GLIS1: variants seen among roughly 807,000 people sequenced by gnomAD.
GLIS1 encodes the protein zinc finger protein GLIS1.
In GLIS1, 24 loss-of-function variants were observed where a neutral mutation model predicts 63.8. The observed-to-expected ratio is 0.38, with a 90% CI of 0.27 to 0.53. The LOEUF (loss-of-function observed/expected upper bound fraction) is 0.53, where lower values mean the gene tolerates loss of function less well. GLIS1 is among the 20% of genes least tolerant of loss of function. The pLI, the probability that GLIS1 is intolerant of heterozygous loss-of-function variation, is 0.85. For synonymous variants in GLIS1, 450 were observed against 482.5 expected, an observed-to-expected ratio of 0.93 and a Z score of 0.88; for missense variants, 1,036 against 1,074.1, an observed-to-expected ratio of 0.96 and a Z score of 0.50.
chr1:53,620,733 C>G (rs1208073497), intron 2 of GLIS1, among the ~76,000 whole-genome samples: 1 of 152,178 alleles, frequency 6.6e-6, no homozygotes, highest in Non-Finnish European at 1.5e-5. Context: ...GAGAAGAACA[C>G]AAAAGAGCAG....
At chr1:53,670,953 G>C (rs1484113773) in intron 2 of GLIS1, among the ~76,000 whole-genome samples, 1 of 152,232 alleles carries the variant, frequency 6.6e-6, no homozygotes, top group African/African-American at 2.4e-5. Flanking sequence ...GGTGTGTGCA[G>C]GTAAAGAAAT....
intron 2 of GLIS1, among the ~76,000 whole-genome samples, chr1:53,634,602 G>A (rs1446158305): frequency 1.3e-5 from 2 of 152,162 alleles, no homozygotes; most frequent in African/African-American, 2.4e-5. Context: ...GAGGGAATGC[G>A]GGGAGAGAAA....
intron 10 of GLIS1, among the ~76,000 whole-genome samples, chr1:53,507,102 C>A (rs563459284): frequency 6.6e-6 from 1 of 152,116 alleles, no homozygotes; most frequent in Non-Finnish European, 1.5e-5. Context: ...AGGGTAGGAG[C>A]AGCTCAGCCC....
At chr1:53,523,623 A>G (rs1439248428) in intron 6 of GLIS1, among the ~76,000 whole-genome samples, 3 of 151,934 alleles carry the variant, frequency 2.0e-5, no homozygotes, top group Non-Finnish European at 4.4e-5. Context: ...GCGCTCAAGG[A>G]CCCTCACTCC....
intron 2 of GLIS1, among the ~76,000 whole-genome samples, chr1:53,605,801 GC>G (rs1009626989): frequency 8.5e-5 from 13 of 152,174 alleles, no homozygotes; most frequent in African/African-American, 2.9e-4. Flanking sequence ...AGACACCTGG[GC>G]CCCCCAGGCA....
rs1330711035 is a variant in GLIS1, at chr1:53,738,036, G to C, written c.29C>G (p.Ser10Trp). The stretch of plus-strand genomic sequence containing the variant: ...AGGGGCCTCCTTAGGCCTCTTGTCC[G>C]AGTGTGCCTCAGCCACCTCGCAATG... MHCEVAEAHSDKRPKEAPGA... is the reference protein window; with the variant it reads MHCEVAEAHWDKRPKEAPGA... Residue 10 changes from serine (S) to tryptophan (W), a missense_variant, in exon 2 of 11, where the codon TCG becomes TGG. Transcript: ENST00000628545. The C allele has an allele frequency of 3.3e-6, 4 of 1,230,616 alleles. No homozygotes were observed. Among genetic ancestry groups the C allele is most frequent in the African/African-American group, 1.6e-5 (1 of 64,358 alleles). The allele number at this position is 1,230,616 out of a possible 1,614,324, so 76.2% of individuals were successfully genotyped here.
chr1:53,704,392 C>T (rs755165592), intron 2 of GLIS1, among the ~76,000 whole-genome samples: 22 of 152,244 alleles, frequency 1.4e-4, no homozygotes, highest in Admixed American at 3.9e-4. Flanking sequence ...GTAACTTACC[C>T]AAGGACACAC....
At chr1:53,702,702 T>C (rs1349080589) in intron 2 of GLIS1, among the ~76,000 whole-genome samples, 1 of 152,204 alleles carries the variant, frequency 6.6e-6, no homozygotes, top group African/African-American at 2.4e-5. Flanking sequence ...GCCCAATTAA[T>C]GAGGAACGAC....
At chr1:53,567,229 G>C (rs1315732175) in intron 4 of GLIS1, among the ~76,000 whole-genome samples, 1 of 152,196 alleles carries the variant, frequency 6.6e-6, no homozygotes, top group Non-Finnish European at 1.5e-5. Flanking sequence ...GGAAACTGGT[G>C]GCATTGTTCC....
At chr1:53,554,674 G>C (rs980083528) in intron 4 of GLIS1, among the ~76,000 whole-genome samples, 2 of 152,068 alleles carry the variant, frequency 1.3e-5, no homozygotes, top group East Asian at 3.9e-4. Context: ...GTGTGGTGTG[G>C]ATGGGGGTCA....
At chr1:53,720,922 C>T (rs904377480) in intron 2 of GLIS1, among the ~76,000 whole-genome samples, 1 of 151,666 alleles carries the variant, frequency 6.6e-6, no homozygotes, top group African/African-American at 2.4e-5. Context: ...TACTTGAGCC[C>T]GGAAGGTCCA....
At chr1:53,711,483 C>T (rs1646646224) in intron 2 of GLIS1, among the ~76,000 whole-genome samples, 1 of 152,262 alleles carries the variant, frequency 6.6e-6, no homozygotes, top group Non-Finnish European at 1.5e-5. Context: ...TTCCTGCTGC[C>T]TCCAGGTTCA....
intron 4 of GLIS1, among the ~76,000 whole-genome samples, chr1:53,562,030 A>G (rs1644897642): frequency 1.3e-5 from 2 of 152,126 alleles, no homozygotes; most frequent in Admixed American, 1.3e-4. Flanking sequence ...TTCCCATGTT[A>G]CCCATGAAAA....
intron 2 of GLIS1, among the ~76,000 whole-genome samples, chr1:53,616,679 C>G (rs2141083): frequency 6.6e-6 from 1 of 151,762 alleles, no homozygotes; most frequent in African/African-American, 2.4e-5. Flanking sequence ...ATGAGAAGGA[C>G]TGGTAGCTCT....
intron 4 of GLIS1, among the ~76,000 whole-genome samples, chr1:53,563,385 A>G (rs1216917764): frequency 6.6e-6 from 1 of 152,268 alleles, no homozygotes; most frequent in African/African-American, 2.4e-5. Flanking sequence ...GAGACTGTCC[A>G]AAACCACCAA....
intron 2 of GLIS1, among the ~76,000 whole-genome samples, chr1:53,643,310 C>T (rs1460669157): frequency 6.6e-6 from 1 of 152,228 alleles, no homozygotes; most frequent in African/African-American, 2.4e-5. Context: ...TTCAGAGCAG[C>T]AGGAAGAGGC....
chr1:53,524,900 G>A lies in GLIS1; in HGVS notation c.1483-13C>T. 1.3e-6 allele frequency: 2 copies of A among 1,593,780 alleles called. No homozygotes were observed. Among genetic ancestry groups the A allele is most frequent in the Non-Finnish European group, 8.6e-7 (1 of 1,162,768 alleles). ...AGGCGTACGGCTTCTGTAACATGGGGGGCACGGGTGGGGTGAGTGAGGCCC... is the reference window on the plus strand; with the variant it reads ...AGGCGTACGGCTTCTGTAACATGGGAGGCACGGGTGGGGTGAGTGAGGCCC... On this transcript the variant is annotated splice_polypyrimidine_tract_variant and intron_variant, in intron 5 of 10. Coordinates refer to ENST00000628545, the MANE Select transcript of GLIS1 (RefSeq NM_001367484.1).
intron 2 of GLIS1, among the ~76,000 whole-genome samples, chr1:53,672,255 C>G (rs540060851): frequency 6.6e-6 from 1 of 152,332 alleles, no homozygotes; most frequent in East Asian, 1.9e-4. Context: ...GTGGGCAGAA[C>G]ATTAGATGAG....
At chr1:53,546,074 G>T (rs1347727031) in intron 4 of GLIS1, among the ~76,000 whole-genome samples, 2 of 152,268 alleles carry the variant, frequency 1.3e-5, no homozygotes, top group African/African-American at 4.8e-5. Flanking sequence ...ACAGTGGTGT[G>T]CCTGCATCAG....
Sources: allele counts gnomAD v4.1 joint callset (sites outside exome capture counted in the v4.1 genomes callset), GRCh38; gene constraint gnomAD v4.1.1; transcripts MANE v1.5; gene names NCBI Gene and HGNC (gene_info 2026-07-23, HGNC 2026-07-21).